DMD: variants seen among roughly 807,000 people sequenced by gnomAD.
DMD encodes the protein mutant dystrophin.
DMD carries 63 observed loss-of-function variants against 330.1 expected under a neutral mutation model. The ratio of observed to expected loss-of-function variants is 0.19; its 90% CI spans 0.16 to 0.24. The LOEUF (loss-of-function observed/expected upper bound fraction) is 0.24, where lower values mean the gene tolerates loss of function less well. Ranked by LOEUF, DMD falls within the 10% of genes least tolerant of loss-of-function variation. The pLI is 1.00. For missense variants in DMD, 3,344 were observed against 2,684.1 expected (o/e 1.25, Z -5.43); for synonymous variants, 1,223 against 959.8 (o/e 1.27, Z -5.07).
At chrX:31,131,397 C>G (rs17338339) in intron 77 of DMD, among the ~76,000 whole-genome samples, 2,012 of 111,542 alleles carry the variant, frequency 0.018, 70 homozygotes, top group East Asian at 0.13. Context: ...ATGCATATGA[C>G]ACTGTAAATG....
intron 1 of DMD, among the ~76,000 whole-genome samples, chrX:33,074,281 T>C (rs1287576978): frequency 8.9e-6 from 1 of 111,936 alleles, no homozygotes; most frequent in Non-Finnish European, 1.9e-5. Context: ...TATAAATTTA[T>C]TCTGACCACA....
intron 25 of DMD, among the ~76,000 whole-genome samples, chrX:32,455,996 A>G (rs773388728): frequency 4.5e-5 from 5 of 111,463 alleles, no homozygotes; most frequent in African/African-American, 1.6e-4. Flanking sequence ...TACAATCATT[A>G]TACATAGTGC....
intron 1 of DMD, among the ~76,000 whole-genome samples, chrX:33,130,422 C>A (rs2095492067): frequency 9.1e-6 from 1 of 110,367 alleles, no homozygotes; most frequent in African/African-American, 3.3e-5. Flanking sequence ...CTAAAAGGAA[C>A]CTTTATAAAT....
intron 2 of DMD, among the ~76,000 whole-genome samples, chrX:32,951,878 C>G (rs1602168710): frequency 2.7e-5 from 3 of 111,715 alleles, no homozygotes; most frequent in Non-Finnish European, 5.6e-5. Flanking sequence ...TATGAGAAAC[C>G]TTAACGCAAA....
intron 7 of DMD, among the ~76,000 whole-genome samples, chrX:32,778,670 T>TAA: frequency 9.0e-6 from 1 of 111,499 alleles, no homozygotes; most frequent in African/African-American, 3.3e-5. Flanking sequence ...CAATATTCCT[T>TAA]AACCCCTGGT....
At chrX:33,097,607 CTTT>C (rs5902054) in intron 1 of DMD, among the ~76,000 whole-genome samples, 1 of 59,618 alleles carries the variant, frequency 1.7e-5, no homozygotes, top group African/African-American at 6.9e-5. Context: ...ACATGAGACT[CTTT>C]TTTTTTTTTT....
chrX:32,879,526 A>G (rs756656894), intron 2 of DMD, among the ~76,000 whole-genome samples: 2 of 112,620 alleles, frequency 1.8e-5, no homozygotes, highest in East Asian at 5.5e-4. Flanking sequence ...CCAGTTATTG[A>G]CAAGTGATCG....
intron 55 of DMD, among the ~76,000 whole-genome samples, chrX:31,609,012 TTGAC>T (rs1380115061): frequency 8.9e-6 from 1 of 112,261 alleles, no homozygotes; most frequent in Non-Finnish European, 1.9e-5. Flanking sequence ...ACTTATATCT[TTGAC>T]TGAATTCTTC....
chrX:31,650,198 T>A (rs1407384932), intron 54 of DMD, among the ~76,000 whole-genome samples: 1 of 97,165 alleles, frequency 1.0e-5, no homozygotes, highest in Non-Finnish European at 2.1e-5. Flanking sequence ...CTAGTGATCC[T>A]CCCACCCCCA....
At chrX:32,793,702 CAAG>C (rs911178024) in intron 7 of DMD, among the ~76,000 whole-genome samples, 1 of 111,575 alleles carries the variant, frequency 9.0e-6, no homozygotes, top group Non-Finnish European at 1.9e-5. Flanking sequence ...AACCGTGGAT[CAAG>C]AAGAAATAGA....
intron 43 of DMD, among the ~76,000 whole-genome samples, chrX:32,244,803 G>T (rs2097225861): frequency 1.5e-5 from 1 of 66,309 alleles, no homozygotes; most frequent in Admixed American, 2.2e-4. Context: ...CTTTTTGATG[G>T]GGTTGTTTGT....
intron 48 of DMD, among the ~76,000 whole-genome samples, chrX:31,855,905 A>C (rs146171689): frequency 7.9e-4 from 89 of 112,204 alleles, no homozygotes; most frequent in African/African-American, 2.8e-3. Context: ...CCAGGTCTTT[A>C]GACTGTTGCA....
At chrX:31,381,171 AAGACAGCTTTAG>A (rs1339292309) in intron 60 of DMD, among the ~76,000 whole-genome samples, 1 of 111,168 alleles carries the variant, frequency 9.0e-6, no homozygotes, top group East Asian at 2.8e-4. Flanking sequence ...CCATTCCTTG[AAGACAGCTTTAG>A]AGACTGCTCC....
chrX:32,937,214 AAG>A (rs1342489384), intron 2 of DMD, among the ~76,000 whole-genome samples: 1 of 110,795 alleles, frequency 9.0e-6, no homozygotes, highest in Admixed American at 9.7e-5. Flanking sequence ...ATAGAAATGC[AAG>A]AGAGAACTGT....
At chrX:31,227,164 T>C (rs1219077404) in intron 63 of DMD, among the ~76,000 whole-genome samples, 1 of 111,094 alleles carries the variant, frequency 9.0e-6, no homozygotes, top group Non-Finnish European at 1.9e-5. Context: ...TCTTTTCCTA[T>C]TTTCCTGGTT....
intron 74 of DMD, among the ~76,000 whole-genome samples, chrX:31,153,565 A>G (rs1251576236): frequency 9.0e-6 from 1 of 110,695 alleles, no homozygotes; most frequent in Admixed American, 9.7e-5. Flanking sequence ...TATATTATCT[A>G]CCACTGGATA....
Position 32,472,105 on chromosome X carries a change from A to G in DMD, c.2949+59T>C. 3.5e-6 allele frequency: 4 copies of G among 1,158,929 alleles called. No homozygotes were observed. In the African/African-American group the frequency reaches 5.3e-5, roughly 15 times the overall value. On this transcript the variant is annotated intron_variant, in intron 22 of 78. Coordinates refer to ENST00000357033, the MANE Select transcript of DMD (RefSeq NM_004006.3). ...AATTCTAATATTATTTAAAGGTTATATCAATGTGAATGCTTGATAAGCGTG... is the reference window on the plus strand; with the variant it reads ...AATTCTAATATTATTTAAAGGTTATGTCAATGTGAATGCTTGATAAGCGTG...
intron 11 of DMD, among the ~76,000 whole-genome samples, chrX:32,635,008 C>T (rs952651071): frequency 1.8e-5 from 2 of 112,076 alleles, no homozygotes; most frequent in African/African-American, 6.5e-5. Flanking sequence ...CTTGCCGGAA[C>T]TCAGGTTCCA....
chrX:31,491,695 G>A (rs1174210948), intron 57 of DMD, among the ~76,000 whole-genome samples: 1 of 111,605 alleles, frequency 9.0e-6, no homozygotes, highest in East Asian at 2.8e-4. Context: ...GCTTTGAGGA[G>A]TGAGACTATG....
Sources: allele counts gnomAD v4.1 joint callset (sites outside exome capture counted in the v4.1 genomes callset), GRCh38; gene constraint gnomAD v4.1.1; transcripts MANE v1.5; gene names NCBI Gene and HGNC (gene_info 2026-07-23, HGNC 2026-07-21).